Variants in LIMS1 observed in about 807,000 individuals in gnomAD.
LIMS1 encodes the protein LIM zinc finger domain containing 1.
A neutral mutation model predicts 44.1 loss-of-function variants in LIMS1; 18 were observed. The observed-to-expected ratio is 0.41, with a 90% CI of 0.28 to 0.61. LIMS1 has a LOEUF of 0.61. Ranked by LOEUF, LIMS1 falls within the 20% of genes least tolerant of loss-of-function variation. LIMS1 has a pLI of 0.32. For synonymous variants in LIMS1, 93 were observed against 149.1 expected (o/e 0.62, Z 2.74); for missense variants, 201 against 422.0 (o/e 0.48, Z 4.59).
At chr2:108,671,363 G>T (rs1692149649) in intron 3 of LIMS1, among the ~76,000 whole-genome samples, 1 of 152,090 alleles carries the variant, frequency 6.6e-6, no homozygotes, top group Admixed American at 6.6e-5. Flanking sequence ...GACATTTAAG[G>T]TAGAGGTATT....
At chr2:108,577,688 T>G (rs545129979) in intron 1 of LIMS1, among the ~76,000 whole-genome samples, 6 of 152,240 alleles carry the variant, frequency 3.9e-5, no homozygotes, top group African/African-American at 4.8e-5. Context: ...AACATGAATC[T>G]ATATTGTAGT....
chr2:108,562,065 A>G (rs1685144776), intron 1 of LIMS1, among the ~76,000 whole-genome samples: 8 of 152,058 alleles, frequency 5.3e-5, no homozygotes, highest in Admixed American at 5.2e-4. Context: ...CTTTTATGTT[A>G]CCATTGTAAT....
At chr2:108,562,618 G>A (rs1685160370) in intron 1 of LIMS1, among the ~76,000 whole-genome samples, 1 of 152,226 alleles carries the variant, frequency 6.6e-6, no homozygotes, top group Non-Finnish European at 1.5e-5. Context: ...AGCTGCAGAA[G>A]AAAAGTTGGA....
At chr2:108,549,320 A>T (rs1448570976) in intron 1 of LIMS1, among the ~76,000 whole-genome samples, 2 of 99,124 alleles carry the variant, frequency 2.0e-5, no homozygotes, top group African/African-American at 4.1e-5. Context: ...TTTGAGATGC[A>T]GTGTCGCTCT....
At chr2:108,553,561 AGTTTT>A in intron 1 of LIMS1, among the ~76,000 whole-genome samples, 1 of 152,250 alleles carries the variant, frequency 6.6e-6, no homozygotes, top group East Asian at 1.9e-4. Flanking sequence ...AAATAATGAT[AGTTTT>A]TCATTGACAT....
At chr2:108,635,931 G>A (rs1355469874) in intron 1 of LIMS1, among the ~76,000 whole-genome samples, 2 of 152,194 alleles carry the variant, frequency 1.3e-5, no homozygotes, top group Admixed American at 1.3e-4. Flanking sequence ...CAGCTGCAGA[G>A]TCCTCACATA....
At position 108,552,583 on chromosome 2, in the gene LIMS1, T is replaced by TGG. The variant is rs1447005412; in HGVS notation, c.32+17991_32+17992dup. 3.0e-3 allele frequency among the ~76,000 whole-genome samples: 293 copies of TGG among 98,498 alleles called. 1 individual carries two copies. The highest frequency in any genetic ancestry group is 0.011 in the African/African-American group (258 of 23,722). The allele number at this position is 98,498 out of a possible 152,430, so 64.6% of individuals were successfully genotyped here. On this transcript the variant is annotated intron_variant, in intron 1 of 9. Coordinates refer to ENST00000544547, the Ensembl canonical transcript of LIMS1. ...CTTTGGGGTGTATATATATATATTT[T>TGG]GGGTGTGTGTGTGTGTGTGTGTGTG...
At chr2:108,605,596 A>G (rs761822858) in intron 1 of LIMS1, among the ~76,000 whole-genome samples, 3 of 152,106 alleles carry the variant, frequency 2.0e-5, no homozygotes, top group Non-Finnish European at 2.9e-5. Flanking sequence ...CCCAGTACCT[A>G]CTACATGCCC....
chr2:108,557,393 A>G (rs1390561231), intron 1 of LIMS1, among the ~76,000 whole-genome samples: 1 of 150,494 alleles, frequency 6.6e-6, no homozygotes, highest in African/African-American at 2.4e-5. Context: ...TCTTAAGACT[A>G]TAGATTTTCA....
At chr2:108,621,505 C>G (rs1350630136) in intron 1 of LIMS1, 3 of 1,377,042 alleles carry the variant, frequency 2.2e-6, no homozygotes, top group Non-Finnish European at 3.0e-6. Flanking sequence ...GACATCTAAT[C>G]TAGTAAGTGC....
intron 9 of LIMS1, among the ~76,000 whole-genome samples, chr2:108,682,239 A>G (rs1693051753): frequency 1.3e-5 from 2 of 152,178 alleles, no homozygotes. Context: ...GAGGCCGGGC[A>G]TGGTGGCTCA....
chr2:108,581,665 C>T (rs527904102), intron 1 of LIMS1, among the ~76,000 whole-genome samples: 76 of 152,212 alleles, frequency 5.0e-4, no homozygotes, highest in African/African-American at 1.6e-3. Flanking sequence ...AGGCTGGGCA[C>T]GGTGGCTCAT....
intron 8 of LIMS1, among the ~76,000 whole-genome samples, chr2:108,679,821 G>A (rs945773423): frequency 2.6e-5 from 4 of 152,146 alleles, no homozygotes; most frequent in African/African-American, 9.7e-5. Flanking sequence ...AGAACGAGAG[G>A]AGAAGATTGC....
exon 10 of LIMS1, chr2:108,684,506 A>G (rs1693206802): frequency 6.6e-6 from 1 of 152,154 alleles, no homozygotes; most frequent in Non-Finnish European, 1.5e-5. Context: ...TAGAAAGTGA[A>G]TATGCACATT....
intron 1 of LIMS1, among the ~76,000 whole-genome samples, chr2:108,648,430 A>T (rs1251759124): frequency 6.6e-6 from 1 of 152,172 alleles, no homozygotes; most frequent in Non-Finnish European, 1.5e-5. Context: ...GCTACTATTG[A>T]CTTTCTTCAC....
At chr2:108,604,524 G>C (rs1687168277) in intron 1 of LIMS1, among the ~76,000 whole-genome samples, 1 of 152,206 alleles carries the variant, frequency 6.6e-6, no homozygotes, top group African/African-American at 2.4e-5. Context: ...ACTGCATTCA[G>C]ATCTTTTATC....
intron 1 of LIMS1, among the ~76,000 whole-genome samples, chr2:108,536,245 C>T (rs767200087): frequency 1.8e-4 from 27 of 152,180 alleles, no homozygotes; most frequent in Non-Finnish European, 3.7e-4. Context: ...TATTGTGCAT[C>T]CGTAACCATC....
intron 1 of LIMS1, among the ~76,000 whole-genome samples, chr2:108,647,785 A>G (rs1345230796): frequency 6.6e-6 from 1 of 152,210 alleles, no homozygotes; most frequent in Non-Finnish European, 1.5e-5. Flanking sequence ...AAAAACTCTC[A>G]ATAAACTAGG....
chr2:108,575,359 G>T (rs1009170625), intron 1 of LIMS1, among the ~76,000 whole-genome samples: 3 of 152,170 alleles, frequency 2.0e-5, no homozygotes, highest in Non-Finnish European at 4.4e-5. Context: ...GGTGTTGATG[G>T]CTGTGAAACC....
Sources: gnomAD v4.1 joint callset for allele counts (sites outside exome capture counted in the v4.1 genomes callset) on GRCh38, gnomAD v4.1.1 for gene constraint, MANE v1.5 for transcripts, NCBI Gene and HGNC (gene_info 2026-07-23, HGNC 2026-07-21) for gene names.